Variants in HAUS1 observed in about 807,000 individuals in gnomAD.
The protein encoded by HAUS1 is HAUS augmin-like complex subunit 1.
In HAUS1, 25 loss-of-function variants were observed where a neutral mutation model predicts 38.6. The ratio of observed to expected loss-of-function variants is 0.65; its 90% CI spans 0.47 to 0.91. HAUS1 has a LOEUF of 0.91. Ranked by LOEUF, HAUS1 falls within the 40% of genes least tolerant of loss-of-function variation. The pLI is 0.00. For synonymous variants in HAUS1, 109 were observed against 112.9 expected (o/e 0.97, Z 0.22); for missense variants, 325 against 328.4 (o/e 0.99, Z 0.08).
In HAUS1 at chr18:46,126,013, A is replaced by C. The variant is rs1912094452; in HGVS notation, c.786+222A>C. On this transcript the variant is annotated intron_variant, in intron 8 of 8. Coordinates refer to ENST00000282058, the MANE Select transcript of HAUS1 (RefSeq NM_138443.4). Reference sequence around the variant, plus strand: ...ATATAGTAGCTGGGCACAGTGGCTCACACCTGTAATCCCAGCACTTTGGGA... The same window carrying C: ...ATATAGTAGCTGGGCACAGTGGCTCCCACCTGTAATCCCAGCACTTTGGGA... The C allele has an allele frequency of 1.1e-5, 4 of 359,620 alleles. No individual in the cohort carries two copies. In the South Asian group the frequency reaches 1.5e-4, roughly 13 times the overall value. 22.3% of individuals were successfully genotyped at this position (359,620 alleles called of 1,614,324 possible).
chr18:46,111,379 C>T (rs1361387358), intron 2 of HAUS1, among the ~76,000 whole-genome samples: 1 of 152,106 alleles, frequency 6.6e-6, no homozygotes, highest in Non-Finnish European at 1.5e-5. Context: ...GGCTGGAGTA[C>T]AGGAGCTTGA....
chr18:46,110,825 T>C (rs1210711383), intron 2 of HAUS1, among the ~76,000 whole-genome samples: 2 of 151,794 alleles, frequency 1.3e-5, no homozygotes, highest in Non-Finnish European at 2.9e-5. Flanking sequence ...GCATTAATCT[T>C]ACTGGGGTTT....
chr18:46,111,449 G>A (rs1599808777), intron 2 of HAUS1, among the ~76,000 whole-genome samples: 1 of 152,222 alleles, frequency 6.6e-6, no homozygotes, highest in East Asian at 1.9e-4. Context: ...AGCCTCCTGA[G>A]TAGCTGGACT....
chr18:46,115,784 A>T (rs562206), intron 2 of HAUS1, among the ~76,000 whole-genome samples: 3 of 152,186 alleles, frequency 2.0e-5, no homozygotes, highest in African/African-American at 7.2e-5. Context: ...GACATCATCA[A>T]AATTTAAAAC....
At chr18:46,127,628 C>T (rs1348184148) in intron 8 of HAUS1, among the ~76,000 whole-genome samples, 6 of 151,448 alleles carry the variant, frequency 4.0e-5, no homozygotes, top group African/African-American at 1.5e-4. Flanking sequence ...ATTGCTTGAA[C>T]CCGGGAAGCA....
Position 46,125,784 on chromosome 18 carries a change from G to A in HAUS1, c.779G>A (p.Arg260Gln), listed in dbSNP as rs749832789. 39 of 1,594,632 alleles carry A rather than the reference G, an allele frequency of 2.4e-5. 1 individual carries two copies. The Admixed American group carries it at 2.5e-4, about 10-fold the overall frequency. Residue 260 changes from arginine (R) to glutamine (Q), a missense_variant, in exon 8 of 9, where the codon CGA (arginine) becomes CAA (glutamine). Physicochemically the swap from Arg to Gln is conservative, Grantham distance 43. Coordinates refer to ENST00000282058, the MANE Select transcript of HAUS1 (RefSeq NM_138443.4). ...LAQVKIEEAK[R>Q]ELDSIEAELT... ...CAAGTGAAAATTGAAGAAGCAAAGC[G>A]AGAACTAGTAAGTAGTTCCTGTAAT...
At chr18:46,120,453 C>T (rs1018757759) in intron 4 of HAUS1, among the ~76,000 whole-genome samples, 3 of 151,984 alleles carry the variant, frequency 2.0e-5, no homozygotes, top group Non-Finnish European at 2.9e-5. Flanking sequence ...AGGCTGGTCT[C>T]GAACTCCCGA....
At chr18:46,126,358 G>A (rs1452482008) in intron 8 of HAUS1, among the ~76,000 whole-genome samples, 1 of 152,146 alleles carries the variant, frequency 6.6e-6, no homozygotes, top group Non-Finnish European at 1.5e-5. Context: ...GGAATATATT[G>A]AGAGATATAG....
chr18:46,125,830 A>T, intron 8 of HAUS1, 39 bp downstream of exon 8: 1 of 1,332,286 alleles, frequency 7.5e-7, no homozygotes, highest in Non-Finnish European at 1.1e-6. Flanking sequence ...TTTTTTAAAA[A>T]GAAAATAAAT....
intron 2 of HAUS1, chr18:46,115,208 C>G (rs1911768106): frequency 6.6e-6 from 1 of 152,130 alleles, no homozygotes. Flanking sequence ...CGGTGTAATC[C>G]CAGCACTTGG....
At chr18:46,123,830 C>T (rs1284273639) in intron 6 of HAUS1, among the ~76,000 whole-genome samples, 1 of 152,118 alleles carries the variant, frequency 6.6e-6, no homozygotes, top group Non-Finnish European at 1.5e-5. Flanking sequence ...GTTTTTCATA[C>T]TTTGTTCTTG....
chr18:46,127,977 A>G (rs1912155628), intron 8 of HAUS1, 98 bp from the exon 9 acceptor site: 1 of 640,228 alleles, frequency 1.6e-6, no homozygotes, highest in Non-Finnish European at 2.6e-6. Context: ...TTTTGTTCTA[A>G]TGTTTCCTTT....
chr18:46,119,469 TTACA>T lies in HAUS1; in HGVS notation c.342-453_342-450del, dbSNP rs554415436. Reference sequence around the variant, plus strand: ...AATTTTTTAAACTTTTTTTTTATACTTACATACTATCATACAACTTAAAGTCACA... The same window carrying T: ...AATTTTTTAAACTTTTTTTTTATACTTACTATCATACAACTTAAAGTCACA... On this transcript the variant is annotated intron_variant, in intron 3 of 8. Coordinates refer to ENST00000282058, the MANE Select transcript of HAUS1 (RefSeq NM_138443.4). Among the ~76,000 whole-genome samples, 455 of 152,288 alleles carry T rather than the reference TTACA, an allele frequency of 3.0e-3. 2 individuals carry two copies. Among genetic ancestry groups the T allele is most frequent in the South Asian group, 0.01 (50 of 4,826 alleles).
At position 46,118,242 on chromosome 18, in the gene HAUS1, C is replaced by T. The variant is rs1472143857; in HGVS notation, c.267C>T (p.Ser89=). The T allele has an allele frequency of 1.2e-6, 2 of 1,612,508 alleles. No homozygotes were observed. Among genetic ancestry groups the T allele is most frequent in the Non-Finnish European group, 1.7e-6 (2 of 1,179,794 alleles). The part of the protein sequence containing the change: ...SVNFSPANLS[S]TGSRYLNALV... ...ATTTTTCCCCCGCCAATCTCTCTAG[C>T]ACTGGTTCCAGGTATCTGAATGCTT... The change falls in exon 3 of 9, where the codon AGC becomes AGT. Residue 89 remains serine, a synonymous_variant. Transcript: ENST00000282058.
intron 2 of HAUS1, among the ~76,000 whole-genome samples, chr18:46,110,887 CTTTTTT>C (rs57307297): frequency 1.0e-5 from 1 of 96,050 alleles, no homozygotes. Flanking sequence ...TCAAGATTTT[CTTTTTT>C]TTTTTTTTTT....
At chr18:46,126,975 C>T (rs1015033166) in intron 8 of HAUS1, among the ~76,000 whole-genome samples, 2 of 152,116 alleles carry the variant, frequency 1.3e-5, no homozygotes, top group African/African-American at 4.8e-5. Flanking sequence ...GCTGGAACTA[C>T]AGGCACCTGC....
intron 8 of HAUS1, 44 bp from the exon 9 acceptor site, chr18:46,128,031 A>G (rs1351856579): frequency 8.6e-7 from 1 of 1,163,828 alleles, no homozygotes; most frequent in Non-Finnish European, 1.2e-6. Context: ...AAGTTAGAGC[A>G]TCTGTTTTAT....
At position 46,128,130 on chromosome 18, in the gene HAUS1, A is replaced by G; in HGVS notation, c.*5A>G. 1 of 1,573,484 alleles carries G rather than the reference A, an allele frequency of 6.4e-7. No homozygotes were observed. Among genetic ancestry groups the G allele is most frequent in the Non-Finnish European group, 8.6e-7 (1 of 1,158,478 alleles). ...GTAGACATGATGGAACTGTGACAAA[A>G]GCCAAATAAACATCCTTTTCCCTAA... On this transcript the variant is annotated 3_prime_UTR_variant, in exon 9 of 9. Coordinates refer to ENST00000282058, the MANE Select transcript of HAUS1 (RefSeq NM_138443.4).
At chr18:46,117,495 A>G (rs1911824471) in intron 2 of HAUS1, among the ~76,000 whole-genome samples, 1 of 152,134 alleles carries the variant, frequency 6.6e-6, no homozygotes, top group African/African-American at 2.4e-5. Flanking sequence ...AAAGACAGGG[A>G]GTGGTTGCTA....
Sources: allele counts gnomAD v4.1 joint callset (sites outside exome capture counted in the v4.1 genomes callset), GRCh38; gene constraint gnomAD v4.1.1; transcripts MANE v1.5; gene names NCBI Gene and HGNC (gene_info 2026-07-23, HGNC 2026-07-21).